The following TAFA1 variants were observed in gnomAD, a reference collection of about 807,000 sequenced individuals.
The protein encoded by TAFA1 is chemokine-like protein TAFA-1.
TAFA1 carries 4 observed loss-of-function variants against 18.5 expected under a neutral mutation model. The ratio of observed to expected loss-of-function variants is 0.22; its 90% confidence interval spans 0.11 to 0.49. The LOEUF (loss-of-function observed/expected upper bound fraction) is 0.49, where lower values mean the gene tolerates loss of function less well. TAFA1 is among the 20% of genes least tolerant of loss of function. TAFA1 has a pLI of 0.98. For synonymous variants in TAFA1, 56 were observed against 55.2 expected (o/e 1.01, Z -0.06); for missense variants, 147 against 169.0 (o/e 0.87, Z 0.72).
intron 2 of TAFA1, among the ~76,000 whole-genome samples, chr3:68,176,112 A>C (rs576700365): frequency 6.6e-6 from 1 of 152,298 alleles, no homozygotes; most frequent in South Asian, 2.1e-4. Flanking sequence ...CTGTACATTC[A>C]TTGAACCTTT....
intron 3 of TAFA1, among the ~76,000 whole-genome samples, chr3:68,445,752 G>A (rs1422589418): frequency 6.6e-6 from 1 of 152,156 alleles, no homozygotes; most frequent in Non-Finnish European, 1.5e-5. Context: ...GGGCAGGGAT[G>A]AAAAATTTGC....
intron 2 of TAFA1, among the ~76,000 whole-genome samples, chr3:68,402,178 C>T (rs888101978): frequency 6.6e-6 from 1 of 152,110 alleles, no homozygotes; most frequent in Non-Finnish European, 1.5e-5. Flanking sequence ...TCCGGTATAA[C>T]TAATTCCCTT....
intron 2 of TAFA1, among the ~76,000 whole-genome samples, chr3:68,103,832 C>A (rs1432515904): frequency 1.3e-5 from 2 of 152,092 alleles, no homozygotes; most frequent in Non-Finnish European, 2.9e-5. Context: ...GAAGTGGGTA[C>A]TTTTATTACC....
intron 2 of TAFA1, among the ~76,000 whole-genome samples, chr3:68,237,583 G>A (rs2066943569): frequency 6.6e-6 from 1 of 152,162 alleles, no homozygotes; most frequent in Admixed American, 6.5e-5. Context: ...GGCATCCTGA[G>A]GGGGTGACAC....
intron 4 of TAFA1, among the ~76,000 whole-genome samples, chr3:68,542,818 G>T (rs1016645096): frequency 6.6e-6 from 1 of 152,174 alleles, no homozygotes; most frequent in Non-Finnish European, 1.5e-5. Context: ...CCATTTACAT[G>T]TGGGAAGGGG....
At chr3:68,343,614 A>G (rs964189726) in intron 2 of TAFA1, among the ~76,000 whole-genome samples, 1 of 152,162 alleles carries the variant, frequency 6.6e-6, no homozygotes, top group Non-Finnish European at 1.5e-5. Context: ...GGGAAAATAC[A>G]GTGATACTTG....
intron 2 of TAFA1, among the ~76,000 whole-genome samples, chr3:68,154,296 A>G (rs182945016): frequency 9.9e-4 from 150 of 152,228 alleles, no homozygotes; most frequent in African/African-American, 3.4e-3. Context: ...ACTTTTTCCC[A>G]TAATCCATTG....
intron 2 of TAFA1, among the ~76,000 whole-genome samples, chr3:68,104,884 A>G (rs1420204781): frequency 6.6e-6 from 1 of 152,142 alleles, no homozygotes; most frequent in Non-Finnish European, 1.5e-5. Flanking sequence ...TTTGCATTGC[A>G]ATAAAAGAAT....
chr3:68,305,822 T>C (rs1455917142), intron 2 of TAFA1, among the ~76,000 whole-genome samples: 1 of 152,118 alleles, frequency 6.6e-6, no homozygotes, highest in Non-Finnish European at 1.5e-5. Flanking sequence ...CTCCACCACT[T>C]CTAGCTATGT....
chr3:68,242,799 T>C (rs2107139301), intron 2 of TAFA1, among the ~76,000 whole-genome samples: 2 of 152,240 alleles, frequency 1.3e-5, no homozygotes, highest in Admixed American at 1.3e-4. Context: ...ATGGTGACTC[T>C]TAAGTAATGA....
chr3:68,177,628 A>C (rs2066142097), intron 2 of TAFA1, among the ~76,000 whole-genome samples: 1 of 152,176 alleles, frequency 6.6e-6, no homozygotes, highest in South Asian at 2.1e-4. Flanking sequence ...AATAATTAGA[A>C]ACTCCTAATT....
chr3:68,081,885 G>A (rs188498720), intron 2 of TAFA1, among the ~76,000 whole-genome samples: 2 of 152,314 alleles, frequency 1.3e-5, no homozygotes, highest in East Asian at 3.9e-4. Context: ...ATCAAGCCTG[G>A]GCAATGGCGG....
At chr3:68,063,667 T>C (rs151182812) in intron 2 of TAFA1, among the ~76,000 whole-genome samples, 327 of 152,318 alleles carry the variant, frequency 2.1e-3, no homozygotes, top group African/African-American at 7.6e-3. Context: ...TATTTTGAAA[T>C]TACAGTCATT....
At chr3:68,366,850 C>T (rs1004702872) in intron 2 of TAFA1, among the ~76,000 whole-genome samples, 2 of 152,112 alleles carry the variant, frequency 1.3e-5, no homozygotes, top group Non-Finnish European at 2.9e-5. Flanking sequence ...TTATTAGAAG[C>T]AAGATTTAGA....
chr3:68,380,551 G>T (rs1215774989), intron 2 of TAFA1, among the ~76,000 whole-genome samples: 2 of 152,018 alleles, frequency 1.3e-5, no homozygotes, highest in Non-Finnish European at 2.9e-5. Context: ...TGTTTTTTTG[G>T]CTGCATAAAT....
intron 3 of TAFA1, among the ~76,000 whole-genome samples, chr3:68,459,644 TGATA>T (rs1414083543): frequency 1.3e-5 from 2 of 152,224 alleles, no homozygotes; most frequent in Non-Finnish European, 2.9e-5. Flanking sequence ...TATTTGCAGT[TGATA>T]GAAAGTATTA....
chr3:68,477,724 T>C (rs1236526388), intron 3 of TAFA1, among the ~76,000 whole-genome samples: 1 of 152,162 alleles, frequency 6.6e-6, no homozygotes, highest in Non-Finnish European at 1.5e-5. Context: ...AATATTTCTG[T>C]TGGATATAAG....
chr3:68,345,454 C>A (rs1338723765), intron 2 of TAFA1, among the ~76,000 whole-genome samples: 1 of 152,078 alleles, frequency 6.6e-6, no homozygotes, highest in African/African-American at 2.4e-5. Flanking sequence ...TAGAGCTGCC[C>A]TTTTACACAG....
rs556218091 is a variant in TAFA1, at chr3:68,232,753, G to A, written c.119-184527G>A. On this transcript the variant is annotated intron_variant, in intron 2 of 4. Coordinates refer to ENST00000478136, the MANE Select transcript of TAFA1 (RefSeq NM_213609.4). ...CCCAAATAGCTAGCACTACAGGCACGCACTACCACACCTGGCTAATTTTTA... is the reference window on the plus strand; with the variant it reads ...CCCAAATAGCTAGCACTACAGGCACACACTACCACACCTGGCTAATTTTTA... 7.9e-5 allele frequency among the ~76,000 whole-genome samples: 12 copies of A among 152,038 alleles called. No homozygotes were observed. The South Asian group carries it at 1.7e-3, about 21-fold the overall frequency.
Sources: allele counts gnomAD v4.1 joint callset (sites outside exome capture counted in the v4.1 genomes callset), GRCh38; gene constraint gnomAD v4.1.1; transcripts MANE v1.5; gene names NCBI Gene and HGNC (gene_info 2026-07-23, HGNC 2026-07-21).